Variants in CCSER1 observed in about 807,000 individuals in gnomAD.
CCSER1 encodes serine-rich coiled-coil domain-containing protein 1.
In CCSER1, 41 loss-of-function variants were observed where a neutral mutation model predicts 82.0. The observed-to-expected ratio is 0.50, with a 90% CI of 0.39 to 0.65. The LOEUF is 0.65. CCSER1 is among the 30% of genes least tolerant of loss of function. The pLI is 0.00. For missense variants in CCSER1, 1,119 were observed against 1,064.2 expected, an observed-to-expected ratio of 1.05 and a Z score of -0.72; for synonymous variants, 414 against 383.9, an observed-to-expected ratio of 1.08 and a Z score of -0.92.
At chr4:91,380,511 T>C (rs1219724767) in intron 10 of CCSER1, among the ~76,000 whole-genome samples, 1 of 152,212 alleles carries the variant, frequency 6.6e-6, no homozygotes, top group Admixed American at 6.5e-5. Context: ...ATGTCCTTCT[T>C]TGTCTCTTTT....
At position 90,758,275 on chromosome 4, in the gene CCSER1, T is replaced by C. The variant is rs114055306; in HGVS notation, c.2010+34284T>C. 6.3e-3 allele frequency among the ~76,000 whole-genome samples: 958 copies of C among 152,224 alleles called. 8 individuals are homozygous for C. The highest frequency in any genetic ancestry group is 0.022 in the African/African-American group (909 of 41,554). On this transcript the variant is annotated intron_variant, in intron 7 of 10. Coordinates refer to ENST00000509176, the MANE Select transcript of CCSER1 (RefSeq NM_001145065.2). Reference sequence around the variant, plus strand: ...CCCTATGCTCCTATTAAGAAGAAAATAACTGAATTATATTTTTGTATTAAA... The same window carrying C: ...CCCTATGCTCCTATTAAGAAGAAAACAACTGAATTATATTTTTGTATTAAA...
At chr4:91,326,994 C>T (rs1746613538) in intron 10 of CCSER1, among the ~76,000 whole-genome samples, 1 of 152,162 alleles carries the variant, frequency 6.6e-6, no homozygotes, top group African/African-American at 2.4e-5. Flanking sequence ...AAGGCACAGC[C>T]CATGCAGCTA....
intron 9 of CCSER1, among the ~76,000 whole-genome samples, chr4:91,067,452 C>A (rs1332483770): frequency 6.6e-6 from 1 of 151,612 alleles, no homozygotes; most frequent in African/African-American, 2.4e-5. Context: ...TTCAAACAGT[C>A]CTCCCTCCTC....
rs527590007 is a variant in CCSER1, at chr4:90,695,307, A to G, written c.1933-28607A>G. On this transcript the variant is annotated intron_variant, in intron 6 of 10. Transcript: ENST00000509176. ...GGGGACTAAAGAAGTTTTAAAATGC[A>G]TCTAATACTAAGCACTCTTTTGGAG... 2.6e-5 allele frequency among the ~76,000 whole-genome samples: 4 copies of G among 152,032 alleles called. No homozygotes were observed. In the South Asian group the frequency reaches 8.3e-4, roughly 32 times the overall value.
intron 7 of CCSER1, among the ~76,000 whole-genome samples, chr4:90,814,236 C>T (rs1298021584): frequency 6.6e-6 from 1 of 152,170 alleles, no homozygotes; most frequent in Non-Finnish European, 1.5e-5. Flanking sequence ...CACAGAGCAG[C>T]AGGGCCCTGG....
intron 8 of CCSER1, among the ~76,000 whole-genome samples, chr4:90,918,954 C>A (rs971978468): frequency 2.0e-5 from 3 of 151,524 alleles, no homozygotes; most frequent in African/African-American, 4.8e-5. Context: ...TCTATGTTGA[C>A]TTTATCATTT....
intron 1 of CCSER1, among the ~76,000 whole-genome samples, chr4:90,262,107 C>CGG (rs1409223163): frequency 6.6e-6 from 1 of 151,616 alleles, no homozygotes; most frequent in African/African-American, 2.4e-5. Flanking sequence ...TCAAATATTT[C>CGG]ATCTTGGTTT....
chr4:91,219,170 C>T (rs2149096973), intron 10 of CCSER1, among the ~76,000 whole-genome samples: 1 of 152,210 alleles, frequency 6.6e-6, no homozygotes, highest in East Asian at 1.9e-4. Context: ...CTAATCATTC[C>T]TCAAAAACAC....
At chr4:90,302,641 A>G (rs1214911528) in intron 1 of CCSER1, among the ~76,000 whole-genome samples, 1 of 151,924 alleles carries the variant, frequency 6.6e-6, no homozygotes, top group South Asian at 2.1e-4. Context: ...TCTCTATGAA[A>G]TTTTTTTTAA....
chr4:91,062,320 G>A (rs1425361679), intron 9 of CCSER1, among the ~76,000 whole-genome samples: 1 of 151,950 alleles, frequency 6.6e-6, no homozygotes, highest in African/African-American at 2.4e-5. Flanking sequence ...CTTCTATCCT[G>A]CAGCGTGTAT....
chr4:91,145,984 T>G (rs1338527367), intron 10 of CCSER1, among the ~76,000 whole-genome samples: 2 of 152,168 alleles, frequency 1.3e-5, no homozygotes, highest in Non-Finnish European at 1.5e-5. Context: ...TTTCTTGAAT[T>G]TGCATGCTAT....
intron 5 of CCSER1, among the ~76,000 whole-genome samples, chr4:90,564,350 C>G (rs967346560): frequency 1.6e-4 from 24 of 152,104 alleles, no homozygotes; most frequent in Admixed American, 7.2e-4. Flanking sequence ...CCACCACACC[C>G]AGTCCATTGT....
intron 8 of CCSER1, among the ~76,000 whole-genome samples, chr4:90,855,203 G>A (rs1764324452): frequency 6.6e-6 from 1 of 152,082 alleles, no homozygotes; most frequent in South Asian, 2.1e-4. Context: ...TGAATGACCA[G>A]TCAGAATCCA....
chr4:90,692,035 G>GTATA (rs60193331), intron 6 of CCSER1, among the ~76,000 whole-genome samples: 3,244 of 142,298 alleles, frequency 0.023, 35 homozygotes, highest in Middle Eastern at 0.034. Flanking sequence ...TTCAATGTGT[G>GTATA]TATATATATA....
intron 5 of CCSER1, among the ~76,000 whole-genome samples, chr4:90,562,853 A>T (rs59940127): frequency 0.17 from 12,545 of 74,414 alleles, 1,098 homozygotes; most frequent in African/African-American, 0.41. Flanking sequence ...TTTTTTTTTT[A>T]AAAAAAAAAA....
rs28709223 is a variant in CCSER1, at chr4:90,450,980, A to T, written c.1604-17254A>T. On this transcript the variant is annotated intron_variant, in intron 4 of 10. Coordinates refer to ENST00000509176, the MANE Select transcript of CCSER1 (RefSeq NM_001145065.2). ...AGCTTTGAAAGGGTGTTTCTAACACATAGTAGGGCTATGGAGAGAAGAGTA... is the reference window on the plus strand; with the variant it reads ...AGCTTTGAAAGGGTGTTTCTAACACTTAGTAGGGCTATGGAGAGAAGAGTA... Among the ~76,000 whole-genome samples the T allele has an allele frequency of 8.0e-3, 1,221 of 152,340 alleles. 14 individuals are homozygous for T. Among genetic ancestry groups the T allele is most frequent in the African/African-American group, 0.028 (1,172 of 41,578 alleles).
At chr4:91,432,915 A>G (rs1056740401) in intron 10 of CCSER1, among the ~76,000 whole-genome samples, 2 of 152,134 alleles carry the variant, frequency 1.3e-5, no homozygotes, top group African/African-American at 4.8e-5. Context: ...GTGAAAGTAA[A>G]GAAATGTGTA....
rs147919500 is a variant in CCSER1, at chr4:91,549,693, C to T, written c.2218-48879C>T. ...CTCCACTAAAAATACAAAAATTAGA[C>T]GGCCGTGCTGGTGCGCCTGTAATCC... On this transcript the variant is annotated intron_variant, in intron 10 of 10. Transcript: ENST00000509176. Among the ~76,000 whole-genome samples, 51 of 152,100 alleles carry T rather than the reference C, an allele frequency of 3.4e-4. No homozygotes were observed. In the East Asian group the frequency reaches 6.4e-3, roughly 19 times the overall value.
At chr4:90,388,014 T>A (rs1382965855) in intron 3 of CCSER1, among the ~76,000 whole-genome samples, 2 of 152,174 alleles carry the variant, frequency 1.3e-5, no homozygotes, top group Non-Finnish European at 2.9e-5. Flanking sequence ...GACTTTGAGT[T>A]TGGCTATCTC....
Sources: gnomAD v4.1 joint callset for allele counts (sites outside exome capture counted in the v4.1 genomes callset) on GRCh38, gnomAD v4.1.1 for gene constraint, MANE v1.5 for transcripts, NCBI Gene and HGNC (gene_info 2026-07-23, HGNC 2026-07-21) for gene names.